The following STAU1 variants were observed in gnomAD, a reference collection of about 807,000 sequenced individuals.
The protein encoded by STAU1 is double-stranded RNA-binding protein Staufen homolog 1.
STAU1 carries 13 observed loss-of-function variants against 62.9 expected under a neutral mutation model. The observed-to-expected ratio is 0.21, with a 90% CI of 0.13 to 0.33. STAU1 has a LOEUF of 0.33. Among genes scored for constraint, STAU1 ranks in the 10% least tolerant of loss-of-function variants. The probability of loss-of-function intolerance (pLI) is 1.00; values close to 1 mark genes in which losing one functional copy is unlikely to be tolerated. For missense variants in STAU1, 571 were observed against 712.1 expected, an observed-to-expected ratio of 0.80 and a Z score of 2.25; for synonymous variants, 269 against 265.1, an observed-to-expected ratio of 1.01 and a Z score of -0.14.
At chr20:49,171,084 C>A (rs953232764) in intron 2 of STAU1, among the ~76,000 whole-genome samples, 18 of 152,198 alleles carry the variant, frequency 1.2e-4, no homozygotes, top group African/African-American at 3.6e-4. Flanking sequence ...GTGTTAAACT[C>A]TTCCTCAAAG....
intron 8 of STAU1, among the ~76,000 whole-genome samples, chr20:49,121,564 G>A (rs80345412): frequency 1.2e-3 from 185 of 152,222 alleles, no homozygotes; most frequent in African/African-American, 4.2e-3. Context: ...TAACACTATC[G>A]TTGGTAACTG....
chr20:49,188,917 T>C (rs2093822657), upstream of STAU1, among the ~76,000 whole-genome samples: 1 of 151,882 alleles, frequency 6.6e-6, no homozygotes, highest in Non-Finnish European at 1.5e-5. Context: ...TAAAAGACAA[T>C]GGCCCGGGCG....
At chr20:49,139,193 T>C (rs1053678862) in intron 5 of STAU1, among the ~76,000 whole-genome samples, 1 of 152,100 alleles carries the variant, frequency 6.6e-6, no homozygotes, top group Non-Finnish European at 1.5e-5. Context: ...TTCTTACATA[T>C]GACATGAAAA....
the STAU1 span, among the ~76,000 whole-genome samples, chr20:49,202,231 AAAGAAAGAAAG>A: frequency 2.5e-4 from 11 of 44,438 alleles, no homozygotes; most frequent in Middle Eastern, 0.012. Context: ...AAAAAAAAAA[AAAGAAAGAAAG>A]AAAGAAAGAA....
At chr20:49,140,375 C>T (rs1424782574) in intron 5 of STAU1, among the ~76,000 whole-genome samples, 1 of 152,208 alleles carries the variant, frequency 6.6e-6, no homozygotes, top group East Asian at 1.9e-4. Flanking sequence ...TTCACAGCAG[C>T]ATTCACAATA....
intron 1 of STAU1, among the ~76,000 whole-genome samples, chr20:49,179,546 A>C (rs2033469893): frequency 6.6e-6 from 1 of 152,216 alleles, no homozygotes; most frequent in South Asian, 2.1e-4. Context: ...ATAAGCTTCC[A>C]AGCATAATGA....
chr20:49,157,358 G>C (rs573366199), intron 3 of STAU1, among the ~76,000 whole-genome samples: 12 of 152,134 alleles, frequency 7.9e-5, no homozygotes, highest in African/African-American at 2.9e-4. Flanking sequence ...TTGCTCTGCT[G>C]TCCAGGCTGG....
the STAU1 span, among the ~76,000 whole-genome samples, chr20:49,202,230 A>AAAAAGAAAG: frequency 1.5e-5 from 2 of 130,366 alleles, no homozygotes; most frequent in African/African-American, 5.8e-5. Flanking sequence ...AAAAAAAAAA[A>AAAAAGAAAG]AAAGAAAGAA....
chr20:49,121,660 TAA>T (rs1370581556), intron 8 of STAU1, among the ~76,000 whole-genome samples: 2 of 152,102 alleles, frequency 1.3e-5, no homozygotes, highest in Non-Finnish European at 2.9e-5. Context: ...GTAAAATTTA[TAA>T]AACACACATA....
intron 12 of STAU1, among the ~76,000 whole-genome samples, chr20:49,116,582 G>A (rs1486873706): frequency 4.0e-5 from 6 of 151,858 alleles, no homozygotes; most frequent in Admixed American, 1.3e-4. Flanking sequence ...CAGGTGATCC[G>A]CCTGCCTCAG....
chr20:49,177,188 G>A (rs1050479107), intron 1 of STAU1, among the ~76,000 whole-genome samples: 3 of 151,540 alleles, frequency 2.0e-5, no homozygotes, highest in African/African-American at 7.3e-5. Context: ...GCGATTACAG[G>A]CGTGAGCCAC....
chr20:49,135,912 T>C lies in STAU1; in HGVS notation c.530A>G (p.Glu177Gly). 6.2e-7 allele frequency: 1 copy of C among 1,613,688 alleles called. No homozygotes were observed. Among genetic ancestry groups the C allele is most frequent in the South Asian group, 1.1e-5 (1 of 90,962 alleles). ...ERLEVNGRES[E>G]EENLNKSEIS... Reference sequence around the variant, plus strand: ...TTCAGATTTATTGAGATTTTCTTCTTCGGATTCTCTTCCATTCACCTGTAA... The same window carrying C: ...TTCAGATTTATTGAGATTTTCTTCTCCGGATTCTCTTCCATTCACCTGTAA... Residue 177 changes from glutamate to glycine, a missense_variant, in exon 6 of 14, where the codon GAA (glutamate) becomes GGA (glycine). By Grantham distance (98) the Glu-to-Gly change is moderately conservative (BLOSUM62 -2). Around this residue, in one of 3 missense-constraint regions of STAU1, gnomAD observed 414 missense variants for 499.6 expected, o/e 0.83. Transcript: ENST00000371856.
At chr20:49,195,482 G>T in the STAU1 span, among the ~76,000 whole-genome samples, 1 of 135,122 alleles carries the variant, frequency 7.4e-6, no homozygotes, top group Non-Finnish European at 1.5e-5. Flanking sequence ...AGCTTTGTGA[G>T]CCGAGATCGT....
intron 5 of STAU1, among the ~76,000 whole-genome samples, chr20:49,142,119 C>T (rs902493325): frequency 3.3e-5 from 5 of 152,148 alleles, no homozygotes; most frequent in African/African-American, 1.2e-4. Context: ...TGAAGTCTCG[C>T]TCTGTTGCCC....
chr20:49,136,304 C>T (rs987581918), intron 5 of STAU1, among the ~76,000 whole-genome samples: 3 of 151,988 alleles, frequency 2.0e-5, no homozygotes, highest in Non-Finnish European at 4.4e-5. Context: ...CGCTGTCCCC[C>T]ACAAAAAAAC....
At position 49,115,804 on chromosome 20, in the gene STAU1, T is replaced by A. The variant is rs1432989535; in HGVS notation, c.1696A>T (p.Thr566Ser). The change falls in exon 13 of 14, where the codon ACA (threonine) becomes TCA (serine). Residue 566 changes from threonine (T) to serine (S), a missense_variant. Physicochemically the swap from Thr to Ser is moderately conservative, Grantham distance 58 (BLOSUM62 1). Coordinates refer to ENST00000371856, the MANE Select transcript of STAU1 (RefSeq NM_017453.4). ...LDQQSTEMPR[T>S]GNGPMSVCGR... ...CACACAGACATTGGTCCGTTTCCTG[T>A]TCTTGGCATCTCTGTACTTTGTTGG... The A allele has an allele frequency of 6.2e-7, 1 of 1,614,026 alleles. No individual in the cohort carries two copies. Among genetic ancestry groups the A allele is most frequent in the Admixed American group, 1.7e-5 (1 of 60,004 alleles).
At chr20:49,164,711 G>A (rs1327880887) in intron 3 of STAU1, among the ~76,000 whole-genome samples, 1 of 151,986 alleles carries the variant, frequency 6.6e-6, no homozygotes, top group Non-Finnish European at 1.5e-5. Flanking sequence ...ATGCTGCAGT[G>A]AACCATAATC....
intron 7 of STAU1, 56 bp downstream of exon 7, chr20:49,124,319 C>T: frequency 1.3e-6 from 2 of 1,564,602 alleles, no homozygotes; most frequent in Non-Finnish European, 1.7e-6. Flanking sequence ...GCCTTCTAAA[C>T]CCCCCACCCA....
At chr20:49,218,560 A>C in the STAU1 span, among the ~76,000 whole-genome samples, 1 of 145,488 alleles carries the variant, frequency 6.9e-6, no homozygotes, top group African/African-American at 2.5e-5. Flanking sequence ...AAACAAACAA[A>C]CAAACAAAAA....
Sources: allele counts gnomAD v4.1 joint callset (sites outside exome capture counted in the v4.1 genomes callset), GRCh38; gene constraint gnomAD v4.1.1; regional missense constraint gnomAD v4.1.1; transcripts MANE v1.5; gene names NCBI Gene and HGNC (gene_info 2026-07-23, HGNC 2026-07-21).